The following COL24A1 variants were observed in gnomAD, a reference collection of about 807,000 sequenced individuals.
The protein encoded by COL24A1 is collagen type XXIV alpha 1 chain.
COL24A1 carries 224 observed loss-of-function variants against 253.9 expected under a neutral mutation model. That is an observed-to-expected ratio of 0.88 (90% confidence interval 0.79 to 0.99). COL24A1 has a LOEUF of 0.99. Among genes scored for constraint, COL24A1 ranks in the 50% least tolerant of loss-of-function variants. The probability of loss-of-function intolerance (pLI) is 0.00; values close to 1 mark genes in which losing one functional copy is unlikely to be tolerated. For missense variants in COL24A1, 2,131 were observed against 2,068.5 expected (o/e 1.03, Z -0.59); for synonymous variants, 685 against 673.7 (o/e 1.02, Z -0.26).
chr1:85,761,025 G>C (rs964192223), intron 55 of COL24A1, among the ~76,000 whole-genome samples: 1 of 152,042 alleles, frequency 6.6e-6, no homozygotes, highest in Non-Finnish European at 1.5e-5. Flanking sequence ...TCAAAGAAGT[G>C]GATAACCCTG....
intron 44 of COL24A1, 44 bp from the exon 45 acceptor site, chr1:85,823,633 C>T: frequency 6.2e-7 from 1 of 1,612,930 alleles, no homozygotes; most frequent in Non-Finnish European, 8.5e-7. Context: ...AAGCAGAGAC[C>T]AAATAAGTTA....
At chr1:85,844,894 A>G (rs926889561) in intron 39 of COL24A1, among the ~76,000 whole-genome samples, 7 of 151,942 alleles carry the variant, frequency 4.6e-5, no homozygotes, top group African/African-American at 1.7e-4. Flanking sequence ...CACAATATCT[A>G]TGTTCCATAC....
chr1:86,032,099 TG>T (rs1240555126), intron 13 of COL24A1, among the ~76,000 whole-genome samples, 177 bp from the exon 14 acceptor site: 1 of 152,192 alleles, frequency 6.6e-6, no homozygotes, highest in African/African-American at 2.4e-5. Context: ...AAACCTATGG[TG>T]GCCATTTATG....
chr1:85,754,895 G>T (rs934907020), intron 55 of COL24A1, among the ~76,000 whole-genome samples: 1 of 152,052 alleles, frequency 6.6e-6, no homozygotes, highest in African/African-American at 2.4e-5. Flanking sequence ...AGAGAGAAAA[G>T]GGGGCACAAA....
chr1:85,941,864 A>G (rs1163276804), intron 24 of COL24A1, among the ~76,000 whole-genome samples: 1 of 152,124 alleles, frequency 6.6e-6, no homozygotes, highest in African/African-American at 2.4e-5. Flanking sequence ...TGCTCCATTA[A>G]TTGTGATGTT....
chr1:85,866,366 G>GT (rs1465405094), intron 37 of COL24A1, among the ~76,000 whole-genome samples: 9 of 152,128 alleles, frequency 5.9e-5, no homozygotes, highest in African/African-American at 1.4e-4. Context: ...CTTTTTCTAA[G>GT]TTTTTTCCCA....
At chr1:86,033,127 G>C (rs1315866209) in intron 13 of COL24A1, among the ~76,000 whole-genome samples, 3 of 151,998 alleles carry the variant, frequency 2.0e-5, no homozygotes, top group Non-Finnish European at 4.4e-5. Context: ...AGCTAATATA[G>C]TTTTAATTTG....
At chr1:85,834,937 A>C (rs12088004) in intron 43 of COL24A1, among the ~76,000 whole-genome samples, 53,247 of 151,932 alleles carry the variant, frequency 0.35, 10,216 homozygotes, top group Non-Finnish European at 0.43. Context: ...TACATATTTT[A>C]TAGCTAAAAT....
At chr1:86,030,298 G>A (rs1390772777) in intron 14 of COL24A1, 1 of 152,198 alleles carries the variant, frequency 6.6e-6, no homozygotes, top group Admixed American at 6.6e-5. Flanking sequence ...AGGGCCCTGG[G>A]GGTGCTGCTG....
At chr1:86,133,951 G>C (rs1435465030) in intron 2 of COL24A1, among the ~76,000 whole-genome samples, 2 of 149,190 alleles carry the variant, frequency 1.3e-5, no homozygotes, top group Non-Finnish European at 3.0e-5. Flanking sequence ...ACCTCTGGTA[G>C]AATTCGGCTG....
chr1:85,808,790 A>G lies in COL24A1; in HGVS notation c.3951+7998T>C, dbSNP rs190260247. On this transcript the variant is annotated intron_variant, in intron 47 of 59. Coordinates refer to ENST00000370571, the MANE Select transcript of COL24A1 (RefSeq NM_152890.7). The stretch of plus-strand genomic sequence containing the variant: ...AAAATAAATTCACTGAGACTGCAGC[A>G]TTGCAGTAGAGTTTAATTGATGCAA... Among the ~76,000 whole-genome samples the G allele has an allele frequency of 2.0e-5, 3 of 152,322 alleles. No individual in the cohort carries two copies. In the East Asian group the frequency reaches 5.8e-4, roughly 29 times the overall value.
At chr1:85,998,925 T>C (rs980071437) in intron 19 of COL24A1, among the ~76,000 whole-genome samples, 2 of 152,216 alleles carry the variant, frequency 1.3e-5, no homozygotes, top group East Asian at 3.9e-4. Context: ...CCAAGAGTAA[T>C]AAACTATCTT....
chr1:85,885,727 G>A (rs12127330), intron 32 of COL24A1, among the ~76,000 whole-genome samples: 18,965 of 152,150 alleles, frequency 0.12, 1,457 homozygotes, highest in Non-Finnish European at 0.16. Flanking sequence ...ATTATCCTTG[G>A]CTAAAAATAT....
chr1:86,077,587 G>A (rs927816674), intron 7 of COL24A1, among the ~76,000 whole-genome samples: 3 of 151,948 alleles, frequency 2.0e-5, no homozygotes, highest in African/African-American at 7.3e-5. Context: ...TGGAACCAAC[G>A]CAAATGCCCA....
intron 53 of COL24A1, among the ~76,000 whole-genome samples, chr1:85,772,212 A>G (rs1336393900): frequency 1.3e-5 from 2 of 151,934 alleles, no homozygotes; most frequent in East Asian, 2.0e-4. Context: ...TTGGACATTC[A>G]TCATCACTGG....
chr1:86,136,294 A>G (rs1200586913), intron 2 of COL24A1, among the ~76,000 whole-genome samples: 1 of 151,998 alleles, frequency 6.6e-6, no homozygotes, highest in Non-Finnish European at 1.5e-5. Context: ...CAAGGGCTAA[A>G]TGTATATTTT....
intron 20 of COL24A1, among the ~76,000 whole-genome samples, chr1:85,980,283 A>C (rs1693118035): frequency 6.6e-6 from 1 of 152,206 alleles, no homozygotes. Flanking sequence ...GAACAAGACA[A>C]GGATGCCGAC....
At chr1:86,047,084 C>A (rs895404899) in intron 11 of COL24A1, among the ~76,000 whole-genome samples, 1 of 152,208 alleles carries the variant, frequency 6.6e-6, no homozygotes, top group African/African-American at 2.4e-5. Flanking sequence ...ATTCAGGAAT[C>A]TATCCCATCT....
chr1:85,734,050 C>T (rs1468073100), intron 59 of COL24A1, among the ~76,000 whole-genome samples: 1 of 146,822 alleles, frequency 6.8e-6, no homozygotes, highest in Non-Finnish European at 1.5e-5. Context: ...TCACAGGTAC[C>T]TGCCACCATG....
Sources: allele counts gnomAD v4.1 joint callset (sites outside exome capture counted in the v4.1 genomes callset), GRCh38; gene constraint gnomAD v4.1.1; transcripts MANE v1.5; gene names NCBI Gene and HGNC (gene_info 2026-07-23, HGNC 2026-07-21).